The following DOCK5 variants were observed in gnomAD, a reference collection of about 807,000 sequenced individuals.
DOCK5 encodes dedicator of cytokinesis 5, also known as dedicator of cytokinesis protein 5.
A neutral mutation model predicts 251.8 loss-of-function variants in DOCK5; 142 were observed. That is an observed-to-expected ratio of 0.56 (90% CI 0.49 to 0.65). The LOEUF is 0.65. Ranked by LOEUF, DOCK5 falls within the 30% of genes least tolerant of loss-of-function variation. The pLI is 0.00. For missense variants in DOCK5, 2,111 were observed against 2,312.3 expected (o/e 0.91, Z 1.79); for synonymous variants, 842 against 835.5 (o/e 1.01, Z -0.13).
At chr8:25,354,337 A>G (rs1212359653) in intron 27 of DOCK5, among the ~76,000 whole-genome samples, 1 of 152,234 alleles carries the variant, frequency 6.6e-6, no homozygotes, top group Non-Finnish European at 1.5e-5. Context: ...TTTCTATCAT[A>G]CATTATAAAG....
At chr8:25,293,819 C>A (rs548362693) in intron 6 of DOCK5, among the ~76,000 whole-genome samples, 1 of 152,250 alleles carries the variant, frequency 6.6e-6, no homozygotes, top group East Asian at 1.9e-4. Flanking sequence ...ACCTGGCCAA[C>A]ATGATGAAAC....
intron 51 of DOCK5, 81 bp downstream of exon 51, chr8:25,410,283 T>C (rs1801599188): frequency 1.6e-6 from 2 of 1,225,812 alleles, no homozygotes; most frequent in Non-Finnish European, 2.4e-6. Flanking sequence ...GGCTCTTTAG[T>C]GGGCAGGTTT....
intron 31 of DOCK5, among the ~76,000 whole-genome samples, chr8:25,367,797 T>G (rs560148629): frequency 9.8e-5 from 15 of 152,312 alleles, no homozygotes; most frequent in African/African-American, 3.6e-4. Context: ...TACCCCAATA[T>G]CAGTCTATAA....
chr8:25,388,932 G>C, intron 40 of DOCK5, 159 bp from the exon 41 acceptor site: 1 of 644,162 alleles, frequency 1.6e-6, no homozygotes, highest in Non-Finnish European at 2.7e-6. Flanking sequence ...TGTAGGATAT[G>C]ATGGTCGCTG....
chr8:25,326,120 T>C (rs1026389559), intron 18 of DOCK5, among the ~76,000 whole-genome samples: 1 of 152,230 alleles, frequency 6.6e-6, no homozygotes, highest in African/African-American at 2.4e-5. Context: ...CTTGTGTAGA[T>C]TATGACATGT....
intron 38 of DOCK5, 35 bp downstream of exon 38, chr8:25,377,459 A>G (rs772574290): frequency 1.0e-5 from 16 of 1,604,296 alleles, no homozygotes; most frequent in Non-Finnish European, 1.4e-5. Flanking sequence ...TAGGGGAAAG[A>G]GGAAAATGAC....
intron 14 of DOCK5, among the ~76,000 whole-genome samples, chr8:25,318,044 C>G (rs940627391): frequency 1.3e-5 from 2 of 152,120 alleles, no homozygotes; most frequent in Admixed American, 1.3e-4. Context: ...CAGTGTTCCT[C>G]CAACTCTGGC....
At chr8:25,314,283 AT>A (rs370101405) in intron 13 of DOCK5, among the ~76,000 whole-genome samples, 8,211 of 135,104 alleles carry the variant, frequency 0.061, 256 homozygotes, top group African/African-American at 0.1. Flanking sequence ...GGCTAATTTA[AT>A]TTTTTTTTTT....
chr8:25,379,385 G>A (rs1430459156), intron 38 of DOCK5, among the ~76,000 whole-genome samples: 1 of 152,110 alleles, frequency 6.6e-6, no homozygotes, highest in East Asian at 1.9e-4. Flanking sequence ...AGAATTTAGT[G>A]ATATCTCTCC....
chr8:25,360,224 A>T (rs1800652101), intron 28 of DOCK5, among the ~76,000 whole-genome samples: 1 of 152,152 alleles, frequency 6.6e-6, no homozygotes. Context: ...GGACAAACAT[A>T]CAAGGAATTG....
chr8:25,191,875 G>A (rs1008856246), intron 1 of DOCK5, among the ~76,000 whole-genome samples: 1 of 151,180 alleles, frequency 6.6e-6, no homozygotes, highest in East Asian at 1.9e-4. Context: ...CCATTAACTC[G>A]TCATTTACAT....
chr8:25,379,415 A>T (rs1296676267), intron 38 of DOCK5, among the ~76,000 whole-genome samples: 4 of 152,150 alleles, frequency 2.6e-5, no homozygotes. Flanking sequence ...GTCCATTTAT[A>T]GGCTCTCTGC....
At chr8:25,384,563 G>A (rs573677960) in intron 40 of DOCK5, among the ~76,000 whole-genome samples, 1 of 151,218 alleles carries the variant, frequency 6.6e-6, no homozygotes, top group Non-Finnish European at 1.5e-5. Flanking sequence ...GGGTTGAAGC[G>A]ATTCTCGTGC....
At chr8:25,381,228 A>G (rs1801062122) in intron 39 of DOCK5, among the ~76,000 whole-genome samples, 1 of 152,260 alleles carries the variant, frequency 6.6e-6, no homozygotes, top group South Asian at 2.1e-4. Context: ...GTCATGAAAT[A>G]ATCATTTATT....
chr8:25,242,454 G>A (rs979984591), intron 1 of DOCK5, among the ~76,000 whole-genome samples: 7 of 152,198 alleles, frequency 4.6e-5, no homozygotes, highest in Admixed American at 1.3e-4. Flanking sequence ...GAGAGTTCTA[G>A]TTTCTCCACA....
In DOCK5 at chr8:25,372,563, C is replaced by G. The variant is rs778542768; in HGVS notation, c.3529C>G (p.Leu1177Val). The G allele has an allele frequency of 6.3e-6, 10 of 1,581,084 alleles. No homozygotes were observed. Among genetic ancestry groups the G allele is most frequent in the Non-Finnish European group, 7.7e-6 (9 of 1,168,556 alleles). The part of the protein sequence containing the change: ...QYKVLLEKLL[L>V]EHCRKHKYLS... ...TCTCTCCCTCCGCCCCTCCAGGCTC[C>G]TAGAACATTGCCGGAAACACAAATA... The change falls in exon 35 of 52, where the codon CTA (leucine) becomes GTA (valine). Residue 1177 changes from leucine (L) to valine (V), a missense_variant. This residue lies in a region of DOCK5 where 1,717 missense variants were observed against 1,892.4 expected (regional missense o/e 0.91). Transcript: ENST00000276440.
chr8:25,395,867 C>A, intron 45 of DOCK5, 148 bp downstream of exon 45: 1 of 989,852 alleles, frequency 1.0e-6, no homozygotes. Flanking sequence ...GTGAATGAAA[C>A]GATTGTCCCT....
intron 47 of DOCK5, among the ~76,000 whole-genome samples, chr8:25,401,942 T>A (rs1297743771): frequency 6.6e-6 from 1 of 152,182 alleles, no homozygotes; most frequent in Non-Finnish European, 1.5e-5. Flanking sequence ...CTTTCATAAT[T>A]GTTTTTGACG....
At chr8:25,190,300 G>T (rs964703452) in intron 1 of DOCK5, among the ~76,000 whole-genome samples, 1 of 152,184 alleles carries the variant, frequency 6.6e-6, no homozygotes, top group African/African-American at 2.4e-5. Flanking sequence ...GAAATAGGCC[G>T]TGAAGGTGTT....
Sources: gnomAD v4.1 joint callset for allele counts (sites outside exome capture counted in the v4.1 genomes callset) on GRCh38, gnomAD v4.1.1 for gene constraint, gnomAD v4.1.1 regional missense constraint, MANE v1.5 for transcripts, NCBI Gene and HGNC (gene_info 2026-07-23, HGNC 2026-07-21) for gene names.